Variants in SH3BGRL observed in about 807,000 individuals in gnomAD.
SH3BGRL encodes adapter SH3BGRL.
A neutral mutation model predicts 9.8 loss-of-function variants in SH3BGRL; 7 were observed. The observed-to-expected ratio is 0.72, with a 90% CI of 0.41 to 1.35. SH3BGRL has a LOEUF of 1.35. SH3BGRL is among the 40% of genes most tolerant of loss of function. SH3BGRL has a pLI of 0.01. For synonymous variants in SH3BGRL, 36 were observed against 29.1 expected (o/e 1.24, Z -0.76); for missense variants, 73 against 84.4 (o/e 0.86, Z 0.53).
intron 1 of SH3BGRL, among the ~76,000 whole-genome samples, chrX:81,239,493 GA>G (rs1569361668): frequency 9.0e-6 from 1 of 111,346 alleles, no homozygotes; most frequent in Admixed American, 9.5e-5. Context: ...GGAGACAAAA[GA>G]AAAAAGAATA....
At chrX:81,278,248 C>A in intron 2 of SH3BGRL, 83 bp from the exon 3 acceptor site, 1 of 684,097 alleles carries the variant, frequency 1.5e-6, no homozygotes, top group Non-Finnish European at 2.2e-6. Context: ...CAGGCGTGAG[C>A]CACTGCTTTC....
At chrX:81,204,575 TCCTA>T (rs1234870091) in intron 1 of SH3BGRL, among the ~76,000 whole-genome samples, 1 of 110,595 alleles carries the variant, frequency 9.0e-6, no homozygotes, top group Non-Finnish European at 1.9e-5. Flanking sequence ...TTCTTAATCT[TCCTA>T]CTGGTTGTCA....
At chrX:81,225,508 G>A (rs1467427808) in intron 1 of SH3BGRL, among the ~76,000 whole-genome samples, 2 of 111,276 alleles carry the variant, frequency 1.8e-5, no homozygotes, top group Non-Finnish European at 3.8e-5. Flanking sequence ...GGAACATGCA[G>A]TATTTGACTT....
intron 3 of SH3BGRL, among the ~76,000 whole-genome samples, chrX:81,294,023 A>G (rs902937052): frequency 9.0e-6 from 1 of 111,591 alleles, no homozygotes; most frequent in African/African-American, 3.3e-5. Context: ...TTGAAGCAGT[A>G]AAGCATTCAA....
At chrX:81,221,780 T>G (rs1265978969) in intron 1 of SH3BGRL, among the ~76,000 whole-genome samples, 1 of 112,351 alleles carries the variant, frequency 8.9e-6, no homozygotes, top group Non-Finnish European at 1.9e-5. Flanking sequence ...AGAAAGGTCA[T>G]GCAGTAAAAC....
Position 81,297,422 on chromosome X carries a change from G to T in SH3BGRL, c.*195G>T. ...TATGGTGATTATGGTGAGGAGAATGGGATATTAACATAAAATTATATTAAT... is the reference window on the plus strand; with the variant it reads ...TATGGTGATTATGGTGAGGAGAATGTGATATTAACATAAAATTATATTAAT... On this transcript the variant is annotated 3_prime_UTR_variant, in exon 4 of 4. Coordinates refer to ENST00000373212, the MANE Select transcript of SH3BGRL (RefSeq NM_003022.3). 2.8e-6 allele frequency: 1 copy of T among 362,820 alleles called. No individual in the cohort carries two copies. The highest frequency in any genetic ancestry group is 4.8e-6 in the Non-Finnish European group (1 of 206,723). The allele number at this position is 362,820 out of a possible 1,213,427, so 29.9% of individuals were successfully genotyped here.
intron 3 of SH3BGRL, among the ~76,000 whole-genome samples, chrX:81,283,216 C>T (rs779920520): frequency 9.0e-6 from 1 of 111,628 alleles, no homozygotes; most frequent in African/African-American, 3.3e-5. Flanking sequence ...TAGCCTGATT[C>T]ACAGCAGAAT....
At chrX:81,283,068 G>A (rs1018902680) in intron 3 of SH3BGRL, among the ~76,000 whole-genome samples, 2 of 111,786 alleles carry the variant, frequency 1.8e-5, no homozygotes, top group South Asian at 7.4e-4. Flanking sequence ...AGAAAACCTA[G>A]AAGAGAATGG....
chrX:81,236,795 A>T (rs944458784), intron 1 of SH3BGRL, among the ~76,000 whole-genome samples: 4 of 111,268 alleles, frequency 3.6e-5, no homozygotes, highest in Non-Finnish European at 7.5e-5. Flanking sequence ...CATTTAAGTT[A>T]TAATACACAG....
At chrX:81,219,361 G>A (rs1239732374) in intron 1 of SH3BGRL, among the ~76,000 whole-genome samples, 1 of 110,599 alleles carries the variant, frequency 9.0e-6, no homozygotes, top group African/African-American at 3.3e-5. Flanking sequence ...TCCCTGTGTA[G>A]TTTATTATGT....
Position 81,295,462 on chromosome X carries a change from C to T in SH3BGRL, c.313-1733C>T, listed in dbSNP as rs367896071. ...CTCTTAAGAAGTGTCTTTCACCTTC[C>T]GCCATGATTCTGAGGTCTCCCCAGC... On this transcript the variant is annotated intron_variant, in intron 3 of 3. Transcript: ENST00000373212. Among the ~76,000 whole-genome samples the T allele has an allele frequency of 7.2e-5, 8 of 111,420 alleles. No homozygotes were observed. In the South Asian group the frequency reaches 1.5e-3, roughly 21 times the overall value.
intron 1 of SH3BGRL, among the ~76,000 whole-genome samples, chrX:81,239,824 C>T (rs1356653567): frequency 8.9e-6 from 1 of 112,189 alleles, no homozygotes; most frequent in Non-Finnish European, 1.9e-5. Context: ...TGGCAGCAGA[C>T]TATTCAGTGG....
In SH3BGRL at chrX:81,277,131, C is replaced by A. The variant is rs777161866; in HGVS notation, c.193C>A (p.Leu65Met). The A allele has an allele frequency of 1.7e-5, 20 of 1,208,282 alleles. No homozygotes were observed. Among genetic ancestry groups the A allele is most frequent in the Non-Finnish European group, 2.0e-5 (18 of 894,359 alleles). ...TAGTCGACCAGCCACAGGTTACCCC[C>A]TGCCACCTCAGATTTTCAATGAAAG... The part of the protein sequence containing the change: ...ENSRPATGYP[L>M]PPQIFNESQY... Residue 65 changes from leucine to methionine, a missense_variant, in exon 2 of 4, where the codon CTG becomes ATG. By Grantham distance (15) the Leu-to-Met change is conservative. Coordinates refer to ENST00000373212, the MANE Select transcript of SH3BGRL (RefSeq NM_003022.3).
intron 1 of SH3BGRL, among the ~76,000 whole-genome samples, chrX:81,220,861 C>G (rs2075598063): frequency 9.0e-6 from 1 of 110,746 alleles, no homozygotes; most frequent in African/African-American, 3.3e-5. Flanking sequence ...TTCTTAATTT[C>G]TTCGTTGACC....
intron 3 of SH3BGRL, among the ~76,000 whole-genome samples, chrX:81,282,636 G>C (rs1231526153): frequency 9.0e-6 from 1 of 111,631 alleles, no homozygotes; most frequent in African/African-American, 3.3e-5. Flanking sequence ...CTGAATGACA[G>C]TAATGACACA....
chrX:81,266,656 T>C (rs948862213), intron 1 of SH3BGRL, among the ~76,000 whole-genome samples: 3 of 111,912 alleles, frequency 2.7e-5, no homozygotes, highest in Non-Finnish European at 5.6e-5. Context: ...TTCAGATTTG[T>C]TCTTCTTGCC....
At chrX:81,292,907 G>C (rs1047487669) in intron 3 of SH3BGRL, among the ~76,000 whole-genome samples, 2 of 111,216 alleles carry the variant, frequency 1.8e-5, no homozygotes, top group Admixed American at 1.9e-4. Context: ...TGACACTAGT[G>C]ATAGCTGATG....
Position 81,261,900 on chromosome X carries a change from C to A in SH3BGRL, c.46-15084C>A, listed in dbSNP as rs748052071. Among the ~76,000 whole-genome samples, 5 of 111,301 alleles carry A rather than the reference C, an allele frequency of 4.5e-5. No individual in the cohort carries two copies. The East Asian group carries it at 1.4e-3, about 31-fold the overall frequency. On this transcript the variant is annotated intron_variant, in intron 1 of 3. Transcript: ENST00000373212. ...AAGTGACTAAAAACATAAGTAAACA[C>A]CACTAATAAATGGAGTTTTCTCCAA... is the stretch of plus-strand genomic sequence containing the variant.
intron 3 of SH3BGRL, among the ~76,000 whole-genome samples, chrX:81,290,765 A>C (rs1463953855): frequency 9.0e-6 from 1 of 111,401 alleles, no homozygotes; most frequent in African/African-American, 3.3e-5. Flanking sequence ...TATTGGAGTT[A>C]TGGATACCCC....
Sources: gnomAD v4.1 joint callset for allele counts (sites outside exome capture counted in the v4.1 genomes callset) on GRCh38, gnomAD v4.1.1 for gene constraint, MANE v1.5 for transcripts, NCBI Gene and HGNC (gene_info 2026-07-23, HGNC 2026-07-21) for gene names.